Variants in TTC29 observed in about 807,000 individuals in gnomAD.
The protein encoded by TTC29 is tetratricopeptide repeat protein 29.
A neutral mutation model predicts 58.1 loss-of-function variants in TTC29; 49 were observed. The observed-to-expected ratio is 0.84, with a 90% confidence interval of 0.67 to 1.07. The LOEUF is 1.07. Among genes scored for constraint, TTC29 ranks in the 50% least tolerant of loss-of-function variants. The pLI is 0.00. For synonymous variants in TTC29, 209 were observed against 196.8 expected (o/e 1.06, Z -0.52); for missense variants, 582 against 555.6 (o/e 1.05, Z -0.48).
chr4:146,790,644 T>A (rs1267190529), intron 11 of TTC29, among the ~76,000 whole-genome samples: 6 of 152,198 alleles, frequency 3.9e-5, no homozygotes, highest in Non-Finnish European at 7.3e-5. Flanking sequence ...CAAGACTTGC[T>A]CTCACTGTAG....
At chr4:146,867,877 T>C (rs1171765595) in intron 7 of TTC29, among the ~76,000 whole-genome samples, 1 of 151,844 alleles carries the variant, frequency 6.6e-6, no homozygotes, top group African/African-American at 2.4e-5. Context: ...TATAAAGGGG[T>C]TTCCCTTTAT....
intron 6 of TTC29, among the ~76,000 whole-genome samples, chr4:146,880,761 C>T (rs1731571203): frequency 6.6e-6 from 1 of 151,894 alleles, no homozygotes; most frequent in African/African-American, 2.4e-5. Context: ...TGTAATTCTC[C>T]CAGCCGCTAT....
intron 8 of TTC29, among the ~76,000 whole-genome samples, chr4:146,862,709 C>T (rs1730314334): frequency 6.6e-6 from 1 of 152,166 alleles, no homozygotes; most frequent in South Asian, 2.1e-4. Context: ...TGAAGAAAGT[C>T]CCAGGCTTTT....
chr4:146,802,891 C>A (rs980560867), intron 11 of TTC29, among the ~76,000 whole-genome samples: 4 of 152,080 alleles, frequency 2.6e-5, no homozygotes, highest in Non-Finnish European at 4.4e-5. Flanking sequence ...AATACTGACC[C>A]CTGCATCCCT....
chr4:146,860,833 G>T (rs1311525446), intron 8 of TTC29, among the ~76,000 whole-genome samples: 1 of 152,094 alleles, frequency 6.6e-6, no homozygotes, highest in Non-Finnish European at 1.5e-5. Context: ...GGTGAGGCTG[G>T]AGATATAGGT....
In TTC29 at chr4:146,874,773, T is replaced by C. The variant is rs752049457; in HGVS notation, c.742A>G (p.Lys248Glu). 7 of 1,610,554 alleles carry C rather than the reference T, an allele frequency of 4.3e-6. No individual in the cohort carries two copies. In the East Asian group the frequency reaches 1.6e-4, roughly 36 times the overall value. The change falls in exon 7 of 13, where the codon AAA (lysine) becomes GAA (glutamate). Residue 248 changes from lysine to glutamate, a missense_variant. Coordinates refer to ENST00000325106, the MANE Select transcript of TTC29 (RefSeq NM_031956.4). Reference protein sequence around the residue: ...RLLSDKMLENKEYKQAIKILI... With the variant: ...RLLSDKMLENEEYKQAIKILI... ...ATTTTGATGGCCTGTTTGTATTCTT[T>C]ATTTTCTAGCATTTTGTCTGAGAGT...
At chr4:146,755,509 A>G (rs1746372890) in intron 11 of TTC29, among the ~76,000 whole-genome samples, 1 of 152,202 alleles carries the variant, frequency 6.6e-6, no homozygotes, top group Admixed American at 6.5e-5. Flanking sequence ...AGTAGCAGAC[A>G]TGTAGGATGA....
chr4:146,922,438 A>ATC (rs1734656102), intron 4 of TTC29, among the ~76,000 whole-genome samples: 1 of 151,632 alleles, frequency 6.6e-6, no homozygotes, highest in South Asian at 2.1e-4. Flanking sequence ...AAGAAAAACA[A>ATC]AAACAGATAG....
intron 8 of TTC29, 150 bp from the exon 9 acceptor site, chr4:146,834,047 T>C (rs1728348859): frequency 5.6e-6 from 3 of 535,172 alleles, no homozygotes; most frequent in Non-Finnish European, 9.7e-6. Context: ...GTTTGGTTTA[T>C]TTTTATCTAT....
intron 7 of TTC29, among the ~76,000 whole-genome samples, chr4:146,869,609 G>A (rs892739400): frequency 6.6e-6 from 1 of 152,048 alleles, no homozygotes; most frequent in Non-Finnish European, 1.5e-5. Flanking sequence ...GGCTGTATGT[G>A]GTATGTATTT....
intron 11 of TTC29, among the ~76,000 whole-genome samples, chr4:146,728,586 G>A (rs1466760925): frequency 6.7e-6 from 1 of 150,330 alleles, no homozygotes; most frequent in Non-Finnish European, 1.5e-5. Flanking sequence ...AGGGAATGAT[G>A]GAATGGGGCC....
At chr4:146,942,559 C>A in intron 2 of TTC29, 1 of 1,507,346 alleles carries the variant, frequency 6.6e-7, no homozygotes, top group South Asian at 1.2e-5. Context: ...CCAAAGCTCC[C>A]CAAACGGGCC....
At chr4:146,827,514 A>C (rs1727889656) in intron 9 of TTC29, among the ~76,000 whole-genome samples, 1 of 152,252 alleles carries the variant, frequency 6.6e-6, no homozygotes, top group South Asian at 2.1e-4. Context: ...GTTTTTAAAA[A>C]TAAGTTAGAT....
intron 7 of TTC29, among the ~76,000 whole-genome samples, chr4:146,868,982 G>C: frequency 6.6e-6 from 1 of 150,882 alleles, no homozygotes; most frequent in Admixed American, 6.7e-5. Flanking sequence ...TCCTTCTCTC[G>C]CCATATGACA....
rs559374912 is a variant in TTC29, at chr4:146,874,844, G to A, written c.671C>T (p.Ser224Phe). The A allele has an allele frequency of 3.1e-5, 50 of 1,613,282 alleles. No homozygotes were observed. The East Asian group carries it at 3.6e-4, about 12-fold the overall frequency. ...GRIWKDETGR[S>F]LNLLACESLL... is the part of the protein sequence containing the mutation. ...ACTCTCACAGGCCAACAAGTTGAGA[G>A]AGCGGCCTGTCTCATCCTTCCATAT... is the stretch of plus-strand genomic sequence containing the variant. Residue 224 changes from serine (S) to phenylalanine (F), a missense_variant, in exon 7 of 13, where the codon TCT becomes TTT. Transcript: ENST00000325106.
intron 8 of TTC29, 99 bp downstream of exon 8, chr4:146,867,399 C>G: frequency 3.7e-6 from 2 of 538,066 alleles, no homozygotes; most frequent in Non-Finnish European, 6.2e-6. Context: ...TATGTCAGGC[C>G]TAACTCATTT....
At chr4:146,838,554 A>G (rs1010637522) in intron 8 of TTC29, among the ~76,000 whole-genome samples, 15 of 152,000 alleles carry the variant, frequency 9.9e-5, no homozygotes, top group Non-Finnish European at 1.9e-4. Context: ...TAGGTCTAAT[A>G]ATTTCAAGCA....
intron 2 of TTC29, among the ~76,000 whole-genome samples, chr4:146,940,528 G>A (rs1434726953): frequency 6.6e-6 from 1 of 152,214 alleles, no homozygotes; most frequent in East Asian, 1.9e-4. Flanking sequence ...TAAGGACAGG[G>A]TATCATAGGC....
At chr4:146,769,108 C>T (rs1425477436) in intron 11 of TTC29, among the ~76,000 whole-genome samples, 2 of 151,938 alleles carry the variant, frequency 1.3e-5, no homozygotes, top group Non-Finnish European at 2.9e-5. Flanking sequence ...TGCTTTCAAG[C>T]ATTTCTCCCC....
Sources: gnomAD v4.1 joint callset for allele counts (sites outside exome capture counted in the v4.1 genomes callset) on GRCh38, gnomAD v4.1.1 for gene constraint, MANE v1.5 for transcripts, NCBI Gene and HGNC (gene_info 2026-07-23, HGNC 2026-07-21) for gene names.